LINGO2: variants seen among roughly 807,000 people sequenced by gnomAD.
The protein encoded by LINGO2 is leucine rich repeat and Ig domain containing 2, also known as leucine-rich repeat and immunoglobulin-like domain-containing nogo receptor-interacting protein 2.
Under a neutral mutation model 30.6 loss-of-function variants are expected in LINGO2, and 14 were observed. The observed-to-expected ratio is 0.46, with a 90% CI of 0.30 to 0.72. The LOEUF (loss-of-function observed/expected upper bound fraction) is 0.72, where lower values mean the gene tolerates loss of function less well. Among genes scored for constraint, LINGO2 ranks in the 30% least tolerant of loss-of-function variants. The pLI, the probability that LINGO2 is intolerant of heterozygous loss-of-function variation, is 0.07. For missense variants in LINGO2, 729 were observed against 751.7 expected, an observed-to-expected ratio of 0.97 and a Z score of 0.35; for synonymous variants, 317 against 288.5, an observed-to-expected ratio of 1.10 and a Z score of -1.00.
chr9:28,640,179 C>T (rs1310415706), intron 1 of LINGO2, among the ~76,000 whole-genome samples: 1 of 152,078 alleles, frequency 6.6e-6, no homozygotes, highest in Non-Finnish European at 1.5e-5. Context: ...AGAGTTTCTG[C>T]CAAGAGATCA....
intron 1 of LINGO2, among the ~76,000 whole-genome samples, chr9:28,566,736 A>G (rs562750225): frequency 7.0e-4 from 107 of 152,334 alleles, no homozygotes; most frequent in African/African-American, 2.6e-3. Flanking sequence ...AGGATATGGC[A>G]TGCTTTGCAC....
chr9:29,127,265 T>C, the LINGO2 span, among the ~76,000 whole-genome samples: 4,379 of 152,266 alleles, frequency 0.029, 201 homozygotes, highest in African/African-American at 0.099. Context: ...CATTGCTTTG[T>C]TTGTGCATTT....
At chr9:28,559,230 C>A (rs767706933) in intron 1 of LINGO2, among the ~76,000 whole-genome samples, 6 of 152,104 alleles carry the variant, frequency 3.9e-5, no homozygotes, top group Non-Finnish European at 7.4e-5. Flanking sequence ...AGGGACTTTT[C>A]ATGTTTTCAG....
chr9:28,966,015 A>G, the LINGO2 span, among the ~76,000 whole-genome samples: 9 of 152,204 alleles, frequency 5.9e-5, no homozygotes, highest in Non-Finnish European at 1.3e-4. Context: ...TAGAAGCTCA[A>G]TCCACAGACC....
intron 4 of LINGO2, among the ~76,000 whole-genome samples, chr9:28,034,150 G>A (rs899047999): frequency 6.6e-6 from 1 of 152,168 alleles, no homozygotes; most frequent in Non-Finnish European, 1.5e-5. Context: ...TTTGTTTCCT[G>A]GGGCCAGGGC....
intron 1 of LINGO2, among the ~76,000 whole-genome samples, chr9:28,641,753 A>G (rs936886408): frequency 9.9e-5 from 15 of 152,216 alleles, no homozygotes; most frequent in Non-Finnish European, 2.1e-4. Flanking sequence ...TGGGCAAGAC[A>G]CAGTGATGTG....
intron 1 of LINGO2, among the ~76,000 whole-genome samples, chr9:28,623,657 A>C (rs1213255226): frequency 2.0e-5 from 3 of 152,084 alleles, no homozygotes; most frequent in Non-Finnish European, 4.4e-5. Flanking sequence ...CTTTTTGCTT[A>C]GGATAGCTTT....
intron 4 of LINGO2, among the ~76,000 whole-genome samples, chr9:28,018,846 C>T (rs1044072002): frequency 7.9e-5 from 12 of 152,064 alleles, no homozygotes; most frequent in Non-Finnish European, 1.0e-4. Context: ...TGGGTATATA[C>T]GCAAAGAAAT....
intron 1 of LINGO2, among the ~76,000 whole-genome samples, chr9:28,601,343 C>T (rs938237546): frequency 6.6e-6 from 1 of 152,126 alleles, no homozygotes; most frequent in Non-Finnish European, 1.5e-5. Flanking sequence ...AAATATTTCT[C>T]AACCCAGCAG....
At chr9:29,209,853 A>AT in the LINGO2 span, among the ~76,000 whole-genome samples, 1 of 151,922 alleles carries the variant, frequency 6.6e-6, no homozygotes, top group African/African-American at 2.4e-5. Context: ...GAGAAAATGG[A>AT]TTTTTTTTCA....
chr9:28,173,368 A>G (rs1828656184), intron 4 of LINGO2, among the ~76,000 whole-genome samples: 1 of 152,166 alleles, frequency 6.6e-6, no homozygotes, highest in Non-Finnish European at 1.5e-5. Context: ...TGATACTGTG[A>G]GATGGATAGC....
At chr9:29,003,717 A>G in the LINGO2 span, among the ~76,000 whole-genome samples, 3 of 151,996 alleles carry the variant, frequency 2.0e-5, no homozygotes, top group African/African-American at 7.2e-5. Flanking sequence ...TACAAGCAGC[A>G]GCAGGCTCCA....
chr9:28,373,118 G>C (rs1820969517), intron 2 of LINGO2, among the ~76,000 whole-genome samples: 1 of 151,880 alleles, frequency 6.6e-6, no homozygotes, highest in Non-Finnish European at 1.5e-5. Flanking sequence ...TATGAGTATA[G>C]AAATTATGAA....
At chr9:28,818,896 T>C in the LINGO2 span, among the ~76,000 whole-genome samples, 5 of 152,332 alleles carry the variant, frequency 3.3e-5, no homozygotes, top group South Asian at 1.0e-3. Context: ...ACACTCTTAC[T>C]AATTCTGGAG....
chr9:28,695,048 T>TACAA, the LINGO2 span, among the ~76,000 whole-genome samples: 2,819 of 150,126 alleles, frequency 0.019, 91 homozygotes, highest in African/African-American at 0.064. Context: ...CAATCTCTAA[T>TACAA]ACAAACAAAC....
At chr9:27,947,550 A>G (rs1318236106), downstream of LINGO2, among the ~76,000 whole-genome samples, 1 of 152,150 alleles carries the variant, frequency 6.6e-6, no homozygotes, top group Admixed American at 6.5e-5. Context: ...TCAAAGAAAA[A>G]ACCAAAATCT....
chr9:28,696,289 C>A, the LINGO2 span, among the ~76,000 whole-genome samples: 1 of 151,926 alleles, frequency 6.6e-6, no homozygotes, highest in Admixed American at 6.6e-5. Flanking sequence ...AGGTAGACTT[C>A]TTTACAGCTT....
chr9:28,153,524 CA>C (rs1356340131), intron 4 of LINGO2, among the ~76,000 whole-genome samples: 1 of 152,040 alleles, frequency 6.6e-6, no homozygotes, highest in Non-Finnish European at 1.5e-5. Flanking sequence ...TGTTACATGC[CA>C]AAAGTAAATT....
intron 1 of LINGO2, among the ~76,000 whole-genome samples, chr9:28,496,431 T>C (rs1326054044): frequency 6.6e-6 from 1 of 151,378 alleles, no homozygotes; most frequent in Non-Finnish European, 1.5e-5. Flanking sequence ...TCTTTGTCTC[T>C]TTTGATCTCT....
Sources: gnomAD v4.1 joint callset for allele counts (sites outside exome capture counted in the v4.1 genomes callset) on GRCh38, gnomAD v4.1.1 for gene constraint, MANE v1.5 for transcripts, NCBI Gene and HGNC (gene_info 2026-07-23, HGNC 2026-07-21) for gene names.